The following MYO1E variants were observed in gnomAD, a reference collection of about 807,000 sequenced individuals.
MYO1E encodes the protein myosin IE.
In MYO1E, 68 loss-of-function variants were observed where a neutral mutation model predicts 151.1. The observed-to-expected ratio is 0.45, with a 90% CI of 0.37 to 0.55. The LOEUF (loss-of-function observed/expected upper bound fraction) is 0.55. MYO1E is among the 20% of genes least tolerant of loss of function. The pLI is 0.00. For synonymous variants in MYO1E, 601 were observed against 501.7 expected, an observed-to-expected ratio of 1.20 and a Z score of -2.64; for missense variants, 1,363 against 1,389.3, an observed-to-expected ratio of 0.98 and a Z score of 0.30.
intron 1 of MYO1E, among the ~76,000 whole-genome samples, chr15:59,353,946 TAGAGTTTGTGTGTACAGATAGAAAA>T (rs2080839436): frequency 6.6e-6 from 1 of 152,140 alleles, no homozygotes; most frequent in Non-Finnish European, 1.5e-5. Context: ...CAAAATAATC[TAGAGTTTGTGTGTACAGATAGAAAA>T]AATGTGCATA....
At chr15:59,367,182 C>T (rs1440778786) in intron 1 of MYO1E, among the ~76,000 whole-genome samples, 2 of 152,110 alleles carry the variant, frequency 1.3e-5, no homozygotes, top group African/African-American at 4.8e-5. Flanking sequence ...TAATAAGGCC[C>T]CACACTTGGC....
chr15:59,180,017 G>C (rs1386776998), intron 18 of MYO1E, among the ~76,000 whole-genome samples: 1 of 152,236 alleles, frequency 6.6e-6, no homozygotes, highest in Non-Finnish European at 1.5e-5. Flanking sequence ...ACAGCCAAGG[G>C]AGAAGGGAAC....
chr15:59,208,584 TA>T, intron 14 of MYO1E, 96 bp downstream of exon 14: 1 of 1,449,640 alleles, frequency 6.9e-7, no homozygotes, highest in Non-Finnish European at 9.7e-7. Flanking sequence ...GTTGAATCAA[TA>T]AAATACGGCG....
intron 1 of MYO1E, among the ~76,000 whole-genome samples, chr15:59,364,063 C>T (rs1452507512): frequency 6.6e-6 from 1 of 152,202 alleles, no homozygotes; most frequent in Non-Finnish European, 1.5e-5. Flanking sequence ...CAGGCCTGAG[C>T]CACCATGCCC....
At chr15:59,253,650 T>A (rs1397155765) in intron 4 of MYO1E, among the ~76,000 whole-genome samples, 7 of 152,012 alleles carry the variant, frequency 4.6e-5, no homozygotes, top group African/African-American at 1.7e-4. Context: ...CCCGGCTAAT[T>A]TTTTGTATTT....
At chr15:59,370,842 G>C (rs2080940295) in intron 1 of MYO1E, among the ~76,000 whole-genome samples, 1 of 152,128 alleles carries the variant, frequency 6.6e-6, no homozygotes. Flanking sequence ...TAAACACATT[G>C]ATTTTTTTAA....
intron 18 of MYO1E, among the ~76,000 whole-genome samples, chr15:59,185,204 G>C (rs2079688456): frequency 6.6e-6 from 1 of 151,988 alleles, no homozygotes. Context: ...TTGTCGGATG[G>C]TTTGCAAAGA....
chr15:59,371,065 A>C (rs1247624279), intron 1 of MYO1E, among the ~76,000 whole-genome samples: 3 of 152,220 alleles, frequency 2.0e-5, no homozygotes, highest in Admixed American at 2.0e-4. Context: ...TGTATAGACA[A>C]AGTGTTCTCT....
chr15:59,206,994 A>G (rs1412864602), intron 14 of MYO1E: 1 of 1,613,674 alleles, frequency 6.2e-7, no homozygotes, highest in Non-Finnish European at 8.5e-7. Context: ...GCTCGGTGGG[A>G]GCGAATTTCC....
chr15:59,230,099 T>A (rs7175876), intron 6 of MYO1E, among the ~76,000 whole-genome samples: 37,318 of 152,078 alleles, frequency 0.25, 4,879 homozygotes, highest in African/African-American at 0.33. Context: ...ATAGCGTGTT[T>A]TCTCGATTAT....
In MYO1E at chr15:59,372,869, C is replaced by T. The variant is rs2080957448; in HGVS notation, c.-369G>A. 1 of 324,696 alleles carries T rather than the reference C, an allele frequency of 3.1e-6. No individual in the cohort carries two copies. Among genetic ancestry groups the T allele is most frequent in the Non-Finnish European group, 5.7e-6 (1 of 176,650 alleles). 20.1% of individuals were successfully genotyped at this position (324,696 alleles called of 1,614,324 possible). On this transcript the variant is annotated 5_prime_UTR_variant, in exon 1 of 28. Coordinates refer to ENST00000288235, the MANE Select transcript of MYO1E (RefSeq NM_004998.4). ...TTAATCCGTACTCCTCTGGCTGAGT[C>T]TCGGCTCGGGCCGGGCAATCTGTCC...
rs558174206 is a variant in MYO1E at position 59,159,328 on chromosome 15, G to A, written c.2786-949C>T. Among the ~76,000 whole-genome samples, 5 of 152,324 alleles carry A rather than the reference G, an allele frequency of 3.3e-5. No homozygotes were observed. Among genetic ancestry groups the A allele is most frequent in the East Asian group, 3.9e-4 (2 of 5,186 alleles). ...TTGGGCAATTTCCCCTCGGGGGCCC[G>A]CCGCACAAACATAGCCTGCTGGTTA... On this transcript the variant is annotated intron_variant, in intron 24 of 27. Coordinates refer to ENST00000288235, the MANE Select transcript of MYO1E (RefSeq NM_004998.4). The surrounding 1 kb of genome is among the most constrained non-coding windows in gnomAD (Gnocchi z 4.4).
intron 14 of MYO1E, chr15:59,206,718 T>G (rs2079836425): frequency 3.6e-6 from 2 of 550,274 alleles, no homozygotes; most frequent in Non-Finnish European, 6.4e-6. Context: ...CAGAAATCAC[T>G]TGCTAGAGAA....
chr15:59,152,821 C>T (rs1249910893), intron 26 of MYO1E, among the ~76,000 whole-genome samples: 1 of 152,120 alleles, frequency 6.6e-6, no homozygotes, highest in Non-Finnish European at 1.5e-5. Flanking sequence ...GCCTGGTGAT[C>T]CCCATCCACC....
intron 1 of MYO1E, among the ~76,000 whole-genome samples, chr15:59,296,341 T>C (rs1433125299): frequency 5.3e-5 from 8 of 152,182 alleles, no homozygotes; most frequent in African/African-American, 1.9e-4. Flanking sequence ...TTCACTGGGG[T>C]ACATTCTTTT....
At chr15:59,180,930 G>C (rs1337681077) in intron 18 of MYO1E, among the ~76,000 whole-genome samples, 2 of 152,104 alleles carry the variant, frequency 1.3e-5, no homozygotes, top group Non-Finnish European at 2.9e-5. Flanking sequence ...TCCTCTCAAG[G>C]CCTTTGTGCC....
chr15:59,157,822 T>C (rs1275338721), intron 25 of MYO1E, among the ~76,000 whole-genome samples: 1 of 152,242 alleles, frequency 6.6e-6, no homozygotes, highest in Non-Finnish European at 1.5e-5. Flanking sequence ...TTTGGTAATA[T>C]CTGCATTTTC....
chr15:59,140,016 G>T (rs1339079552), intron 26 of MYO1E, among the ~76,000 whole-genome samples: 1 of 152,084 alleles, frequency 6.6e-6, no homozygotes, highest in African/African-American at 2.4e-5. Flanking sequence ...TTTATCCAGA[G>T]CAGTTTCTCA....
intron 4 of MYO1E, among the ~76,000 whole-genome samples, chr15:59,241,284 C>A (rs6494082): frequency 0.96 from 146,488 of 152,292 alleles, 70,708 homozygotes; most frequent in East Asian, 1. Flanking sequence ...TGGGAGGCCA[C>A]GGGAGTTGGA....
Sources: allele counts gnomAD v4.1 joint callset (sites outside exome capture counted in the v4.1 genomes callset), GRCh38; gene constraint gnomAD v4.1.1; non-coding constraint Gnocchi (gnomAD v3.1); transcripts MANE v1.5; gene names NCBI Gene and HGNC (gene_info 2026-07-23, HGNC 2026-07-21).